CSMD2: variants seen among roughly 807,000 people sequenced by gnomAD.
CSMD2 encodes CUB and sushi domain-containing protein 2.
Under a neutral mutation model 398.5 loss-of-function variants are expected in CSMD2, and 130 were observed. The ratio of observed to expected loss-of-function variants is 0.33; its 90% CI spans 0.28 to 0.38. The LOEUF (loss-of-function observed/expected upper bound fraction) is 0.38. Ranked by LOEUF, CSMD2 falls within the 10% of genes least tolerant of loss-of-function variation. The pLI is 1.00. For missense variants in CSMD2, 3,829 were observed against 4,764.9 expected (o/e 0.80, Z 5.78); for synonymous variants, 1,828 against 1,908.5 (o/e 0.96, Z 1.10).
At position 33,624,731 on chromosome 1, in the gene CSMD2, C is replaced by T. The variant is rs907747994; in HGVS notation, c.5501-88G>A. The T allele has an allele frequency of 5.3e-6, 8 of 1,508,098 alleles. No individual in the cohort carries two copies. In the African/African-American group the frequency reaches 1.2e-4, roughly 23 times the overall value. 93.4% of individuals were successfully genotyped at this position (1,508,098 alleles called of 1,614,324 possible). ...ACTCCTCCCTCATGGCCCCCAGCCT[C>T]TGTTTGTCCTCCTCCCCATGGGGGT... is the stretch of plus-strand genomic sequence containing the variant. On this transcript the variant is annotated intron_variant, in intron 34 of 70. Coordinates refer to ENST00000373381, the MANE Select transcript of CSMD2 (RefSeq NM_001281956.2). The surrounding 1 kb of genome is among the most constrained non-coding windows in gnomAD (Gnocchi z 4.7).
intron 48 of CSMD2, 38 bp downstream of exon 48, chr1:33,580,715 G>T: frequency 6.2e-7 from 1 of 1,611,894 alleles, no homozygotes; most frequent in Admixed American, 1.7e-5. Flanking sequence ...CTTCGATGAG[G>T]AGAGGGCCTG....
intron 26 of CSMD2, among the ~76,000 whole-genome samples, chr1:33,662,197 GC>G (rs1325253002): frequency 6.6e-6 from 1 of 152,186 alleles, no homozygotes; most frequent in African/African-American, 2.4e-5. Flanking sequence ...CTATTGCAGT[GC>G]CTAATTAATT....
At chr1:33,886,286 G>A (rs1339407549) in intron 5 of CSMD2, among the ~76,000 whole-genome samples, 1 of 152,172 alleles carries the variant, frequency 6.6e-6, no homozygotes, top group African/African-American at 2.4e-5. Flanking sequence ...TAGAGGATGG[G>A]CAGGAGGGAG....
At chr1:33,591,426 C>T (rs1639448256) in intron 44 of CSMD2, among the ~76,000 whole-genome samples, 2 of 152,058 alleles carry the variant, frequency 1.3e-5, no homozygotes, top group African/African-American at 2.4e-5. Context: ...CCTTCCTTTG[C>T]CTTTGTTTCT....
At chr1:33,959,752 C>A (rs1645289308) in intron 3 of CSMD2, among the ~76,000 whole-genome samples, 1 of 152,142 alleles carries the variant, frequency 6.6e-6, no homozygotes, top group Non-Finnish European at 1.5e-5. Flanking sequence ...TCAGCTCCTC[C>A]AGGAAGCCCT....
At chr1:34,008,671 G>T (rs140923954) in intron 3 of CSMD2, among the ~76,000 whole-genome samples, 1 of 152,294 alleles carries the variant, frequency 6.6e-6, no homozygotes, top group East Asian at 1.9e-4. Flanking sequence ...TAAAGTTGGA[G>T]CTTTGTAGGA....
chr1:33,831,162 G>A (rs1327319600), intron 6 of CSMD2, among the ~76,000 whole-genome samples: 7 of 151,774 alleles, frequency 4.6e-5, no homozygotes, highest in South Asian at 2.1e-4. Flanking sequence ...TACAGAGAAC[G>A]CCACAAAGAT....
Position 33,514,886 on chromosome 1 carries a change from A to G in CSMD2, c.*1738T>C, listed in dbSNP as rs1653636315. On this transcript the variant is annotated 3_prime_UTR_variant, in exon 71 of 71. Coordinates refer to ENST00000373381, the MANE Select transcript of CSMD2 (RefSeq NM_001281956.2). Reference sequence around the variant, plus strand: ...TCACTTTCCTCTGGCCACTCTTAACATCAGTCAGATCTTCTAATTGTTCCA... The same window carrying G: ...TCACTTTCCTCTGGCCACTCTTAACGTCAGTCAGATCTTCTAATTGTTCCA... The G allele has an allele frequency of 6.6e-6, 1 of 151,968 alleles. No individual in the cohort carries two copies. The highest frequency in any genetic ancestry group is 1.5e-5 in the Non-Finnish European group (1 of 67,884). 9.4% of individuals were successfully genotyped at this position (151,968 alleles called of 1,614,324 possible). A position where few individuals can be genotyped will look rare whatever the true frequency, so the allele number is the denominator to read the frequency against.
At chr1:33,709,583 A>C (rs1166386537) in intron 21 of CSMD2, 7 of 427,390 alleles carry the variant, frequency 1.6e-5, no homozygotes, top group African/African-American at 4.0e-5. Context: ...CCACATACCT[A>C]TTCATATAGT....
chr1:33,587,467 A>G (rs1026743256), intron 44 of CSMD2, among the ~76,000 whole-genome samples: 1 of 152,194 alleles, frequency 6.6e-6, no homozygotes, highest in African/African-American at 2.4e-5. Flanking sequence ...GGCGTTTTAT[A>G]GGCTGCCACT....
intron 10 of CSMD2, chr1:33,804,615 A>G: frequency 1.4e-6 from 1 of 693,594 alleles, no homozygotes. Context: ...GGCAGAGGCC[A>G]TATCTACATC....
intron 5 of CSMD2, among the ~76,000 whole-genome samples, chr1:33,877,367 C>A (rs557850474): frequency 6.6e-6 from 1 of 152,204 alleles, no homozygotes; most frequent in Non-Finnish European, 1.5e-5. Context: ...CCTTGTCCCA[C>A]TGGACTTGTC....
chr1:33,663,818 T>C (rs1287695510), intron 25 of CSMD2, among the ~76,000 whole-genome samples: 1 of 151,566 alleles, frequency 6.6e-6, no homozygotes, highest in Non-Finnish European at 1.5e-5. Flanking sequence ...ACTCTCTCTG[T>C]TAATTAATTT....
chr1:33,710,168 C>T (rs538009211), intron 21 of CSMD2, among the ~76,000 whole-genome samples: 27 of 152,268 alleles, frequency 1.8e-4, no homozygotes, highest in Non-Finnish European at 3.5e-4. Context: ...CCACACAGTG[C>T]GTAGGCAGGG....
At chr1:33,952,701 CAT>C (rs1553261335) in intron 3 of CSMD2, among the ~76,000 whole-genome samples, 32 of 136,932 alleles carry the variant, frequency 2.3e-4, no homozygotes, top group African/African-American at 9.9e-4. Context: ...CACACACACA[CAT>C]GCACACACAC....
At chr1:33,589,174 A>G (rs980087093) in intron 44 of CSMD2, among the ~76,000 whole-genome samples, 2 of 152,252 alleles carry the variant, frequency 1.3e-5, no homozygotes, top group African/African-American at 4.8e-5. Flanking sequence ...TTGATTTAAC[A>G]TAAGCCTGGG....
chr1:34,013,126 G>A lies in CSMD2; in HGVS notation c.517+19468C>T, dbSNP rs1022040588. ...ACAAAGGCACTGAGATGGGAGCTGA[G>A]GGCAGTTCAGCCTTCCGGGGAGGGC... is the stretch of plus-strand genomic sequence containing the variant. On this transcript the variant is annotated intron_variant, in intron 3 of 70. Coordinates refer to ENST00000373381, the MANE Select transcript of CSMD2 (RefSeq NM_001281956.2). Among the ~76,000 whole-genome samples, 15 of 152,200 alleles carry A rather than the reference G, an allele frequency of 9.9e-5. No individual in the cohort carries two copies. In the East Asian group the frequency reaches 2.3e-3, roughly 23 times the overall value.
intron 25 of CSMD2, among the ~76,000 whole-genome samples, chr1:33,680,918 C>CTTTTTTGTTTT (rs1644888213): frequency 1.3e-5 from 1 of 75,928 alleles, no homozygotes; most frequent in African/African-American, 5.4e-5. Context: ...CTGTTTTATG[C>CTTTTTTGTTTT]TTTTTTTTTT....
chr1:34,081,557 C>T (rs549196669), intron 2 of CSMD2, among the ~76,000 whole-genome samples: 13 of 152,170 alleles, frequency 8.5e-5, no homozygotes, highest in African/African-American at 2.9e-4. Flanking sequence ...TGCCTGGGAT[C>T]GCAGGCGCGC....
Sources: allele counts gnomAD v4.1 joint callset (sites outside exome capture counted in the v4.1 genomes callset), GRCh38; gene constraint gnomAD v4.1.1; non-coding constraint Gnocchi (gnomAD v3.1); transcripts MANE v1.5; gene names NCBI Gene and HGNC (gene_info 2026-07-23, HGNC 2026-07-21).